The following KLHL1 variants were observed in gnomAD, a reference collection of about 807,000 sequenced individuals.
KLHL1 encodes the protein kelch like family member 1.
In KLHL1, 47 loss-of-function variants were observed where a neutral mutation model predicts 77.7. The observed-to-expected ratio is 0.60, with a 90% CI of 0.48 to 0.77. The LOEUF (loss-of-function observed/expected upper bound fraction) is 0.77. Ranked by LOEUF, KLHL1 falls within the 30% of genes least tolerant of loss-of-function variation. The probability of loss-of-function intolerance (pLI) is 0.00; values close to 1 mark genes in which losing one functional copy is unlikely to be tolerated. For missense variants in KLHL1, 925 were observed against 910.8 expected (o/e 1.02, Z -0.20); for synonymous variants, 360 against 325.2 (o/e 1.11, Z -1.15).
At chr13:69,726,934 C>T (rs1873328230) in intron 8 of KLHL1, among the ~76,000 whole-genome samples, 1 of 152,032 alleles carries the variant, frequency 6.6e-6, no homozygotes, top group African/African-American at 2.4e-5. Flanking sequence ...GAATGAAGCA[C>T]TTGTTTTTAA....
intron 1 of KLHL1, among the ~76,000 whole-genome samples, chr13:70,099,829 T>A (rs911595870): frequency 2.6e-5 from 4 of 152,020 alleles, no homozygotes; most frequent in Non-Finnish European, 5.9e-5. Flanking sequence ...AGTTGTTAAA[T>A]TTTTTATATG....
intron 7 of KLHL1, among the ~76,000 whole-genome samples, chr13:69,788,664 T>C (rs1876696238): frequency 7.9e-6 from 1 of 127,362 alleles, no homozygotes; most frequent in Non-Finnish European, 1.7e-5. Flanking sequence ...AGTATAATAA[T>C]AATAATAGAA....
rs530813529 is a variant in KLHL1 at position 70,105,752 on chromosome 13, T to G, written c.497+1451A>C. ...GCATATTAAATAACTTTTAATAACATTTTATAACTTCATAGTATTCATAGT... is the reference window on the plus strand; with the variant it reads ...GCATATTAAATAACTTTTAATAACAGTTTATAACTTCATAGTATTCATAGT... On this transcript the variant is annotated intron_variant, in intron 1 of 10. Coordinates refer to ENST00000377844, the MANE Select transcript of KLHL1 (RefSeq NM_020866.3). Among the ~76,000 whole-genome samples, 11 of 151,208 alleles carry G rather than the reference T, an allele frequency of 7.3e-5. No homozygotes were observed. The East Asian group carries it at 2.0e-3, about 27-fold the overall frequency.
At chr13:70,007,786 C>G (rs908986737) in intron 1 of KLHL1, among the ~76,000 whole-genome samples, 1 of 151,808 alleles carries the variant, frequency 6.6e-6, no homozygotes, top group African/African-American at 2.4e-5. Context: ...AAAACAAATA[C>G]AAACACAGAG....
chr13:69,936,232 T>A (rs1001383413), intron 4 of KLHL1, among the ~76,000 whole-genome samples: 6 of 152,086 alleles, frequency 3.9e-5, no homozygotes, highest in African/African-American at 1.2e-4. Context: ...AGCAATTGCA[T>A]CTAACATTGA....
At chr13:69,769,393 A>C (rs9572268) in intron 7 of KLHL1, among the ~76,000 whole-genome samples, 35,733 of 152,002 alleles carry the variant, frequency 0.24, 4,281 homozygotes, top group South Asian at 0.31. Context: ...TAAAAGGCAA[A>C]GGAAAAATAC....
intron 1 of KLHL1, among the ~76,000 whole-genome samples, chr13:70,012,464 TCTC>T (rs1487036883): frequency 2.0e-5 from 3 of 152,068 alleles, no homozygotes; most frequent in Non-Finnish European, 4.4e-5. Flanking sequence ...TGAGGAACCT[TCTC>T]CTTCCTATGA....
At chr13:69,963,416 A>C (rs574760965) in intron 2 of KLHL1, among the ~76,000 whole-genome samples, 149 of 152,244 alleles carry the variant, frequency 9.8e-4, no homozygotes, top group Non-Finnish European at 1.8e-3. Context: ...TGTGTGTTTA[A>C]AGTGGTTACT....
intron 7 of KLHL1, among the ~76,000 whole-genome samples, chr13:69,765,110 C>T (rs1042641730): frequency 6.6e-6 from 1 of 151,232 alleles, no homozygotes; most frequent in Non-Finnish European, 1.5e-5. Context: ...TGCCACCATG[C>T]CTGGCTAATT....
intron 1 of KLHL1, among the ~76,000 whole-genome samples, chr13:70,101,591 G>A (rs560499281): frequency 6.6e-6 from 1 of 152,000 alleles, no homozygotes; most frequent in Non-Finnish European, 1.5e-5. Context: ...ACCACGCTTG[G>A]CTAATTTTTG....
At chr13:70,033,312 CAG>C (rs1465561872) in intron 1 of KLHL1, among the ~76,000 whole-genome samples, 6 of 152,122 alleles carry the variant, frequency 3.9e-5, no homozygotes, top group East Asian at 3.9e-4. Context: ...TGTTTTGAGA[CAG>C]AGTCTCTCTC....
At chr13:69,806,226 T>C (rs556928862) in intron 6 of KLHL1, among the ~76,000 whole-genome samples, 2 of 152,308 alleles carry the variant, frequency 1.3e-5, no homozygotes, top group East Asian at 3.9e-4. Flanking sequence ...TTCAGATGAA[T>C]TGATTACTCA....
In KLHL1 at chr13:69,719,545, A is replaced by G; in HGVS notation, c.1839T>C (p.Cys613=). The change falls in exon 9 of 11, where the codon TGT becomes TGC. Residue 613 remains cysteine (C), a synonymous_variant. Transcript: ENST00000377844. ...YSVGGRDGSS[C]LSSMEYYDPH... is the part of the protein sequence containing the mutation. ...GATCATAATATTCCATTGAACTCAA[A>G]CAGGAACTTCCATCACGACCTCCAA... 6.2e-7 allele frequency: 1 copy of G among 1,613,294 alleles called. No individual in the cohort carries two copies. The highest frequency in any genetic ancestry group is 1.3e-5 in the African/African-American group (1 of 74,928).
intron 4 of KLHL1, among the ~76,000 whole-genome samples, chr13:69,904,075 CAG>C (rs1437947769): frequency 6.6e-6 from 1 of 151,504 alleles, no homozygotes; most frequent in East Asian, 1.9e-4. Context: ...ATATGCAGAC[CAG>C]AGAGATTTTC....
intron 1 of KLHL1, among the ~76,000 whole-genome samples, chr13:70,012,050 T>A (rs899760924): frequency 2.0e-5 from 3 of 152,002 alleles, no homozygotes; most frequent in Non-Finnish European, 4.4e-5. Flanking sequence ...ATGAGACCTA[T>A]TCACTATCAC....
At chr13:69,902,744 G>A (rs1417810528) in intron 4 of KLHL1, among the ~76,000 whole-genome samples, 8 of 146,014 alleles carry the variant, frequency 5.5e-5, no homozygotes, top group East Asian at 2.1e-4. Context: ...ATCACATATC[G>A]GGGTCTGTTG....
At chr13:69,887,857 T>C (rs1304887406) in intron 4 of KLHL1, among the ~76,000 whole-genome samples, 1 of 152,198 alleles carries the variant, frequency 6.6e-6, no homozygotes, top group Non-Finnish European at 1.5e-5. Flanking sequence ...TTTATTCTAG[T>C]ATGCATTTCA....
chr13:69,795,870 G>A (rs939498776), intron 7 of KLHL1, among the ~76,000 whole-genome samples: 2 of 152,116 alleles, frequency 1.3e-5, no homozygotes, highest in East Asian at 3.9e-4. Flanking sequence ...TTCTCTAAAC[G>A]TTTATTGTCC....
intron 1 of KLHL1, among the ~76,000 whole-genome samples, chr13:70,026,959 T>A (rs1276772921): frequency 1.3e-5 from 2 of 152,148 alleles, no homozygotes; most frequent in Non-Finnish European, 2.9e-5. Flanking sequence ...CCTTCAATTT[T>A]ATGCTGAAAA....
Sources: allele counts gnomAD v4.1 joint callset (sites outside exome capture counted in the v4.1 genomes callset), GRCh38; gene constraint gnomAD v4.1.1; transcripts MANE v1.5; gene names NCBI Gene and HGNC (gene_info 2026-07-23, HGNC 2026-07-21).